CTSH: variants seen among roughly 807,000 people sequenced by gnomAD.
The protein encoded by CTSH is cathepsin H.
Under a neutral mutation model 56.3 loss-of-function variants are expected in CTSH, and 52 were observed. That is an observed-to-expected ratio of 0.92 (90% CI 0.74 to 1.16). CTSH has a LOEUF of 1.16. CTSH is among the 50% of genes most tolerant of loss of function. CTSH has a pLI of 0.00. For missense variants in CTSH, 406 were observed against 424.5 expected (o/e 0.96, Z 0.38); for synonymous variants, 174 against 155.7 (o/e 1.12, Z -0.88).
chr15:78,932,473 G>C lies in CTSH; in HGVS notation c.406-15C>G. The C allele has an allele frequency of 1.2e-6, 2 of 1,601,714 alleles. No individual in the cohort carries two copies. The highest frequency in any genetic ancestry group is 1.7e-6 in the Non-Finnish European group (2 of 1,169,130). The stretch of plus-strand genomic sequence containing the variant: ...CCGCAGGCACCCTGGAAAGGCCAGG[G>C]GAGAGCAGAGGACATCAGTGATGGG... On this transcript the variant is annotated splice_polypyrimidine_tract_variant and intron_variant, in intron 5 of 11. Coordinates refer to ENST00000220166, the MANE Select transcript of CTSH (RefSeq NM_004390.5).
chr15:78,932,208 G>T (rs936163769), intron 6 of CTSH, among the ~76,000 whole-genome samples, 164 bp downstream of exon 6: 14 of 152,154 alleles, frequency 9.2e-5, no homozygotes, highest in Admixed American at 6.5e-5. Context: ...CCCGGGAAAA[G>T]CATCAATTGA....
intron 9 of CTSH, 75 bp from the exon 10 acceptor site, chr15:78,925,515 T>C: frequency 3.9e-6 from 4 of 1,020,288 alleles, no homozygotes; most frequent in Non-Finnish European, 6.1e-6. Flanking sequence ...GCCTTTTGCC[T>C]CAAGCTAGGG....
In CTSH at chr15:78,932,435, A is replaced by G; in HGVS notation, c.429T>C (p.Thr143=). The G allele has an allele frequency of 6.2e-7, 1 of 1,614,070 alleles. No individual in the cohort carries two copies. Among genetic ancestry groups the G allele is most frequent in the South Asian group, 1.1e-5 (1 of 91,090 alleles). Residue 143 remains threonine (T), a synonymous_variant, in exon 6 of 12, where the codon ACT becomes ACC. Transcript: ENST00000220166. ...KNQGACGSCW[T]FSTTGALESA... ...ACTCCAGGGCCCCAGTGGTGGAGAA[A>G]GTCCAGCAACTGCCGCAGGCACCCT...
chr15:78,935,592 A>T (rs1286929645), intron 4 of CTSH, 88 bp downstream of exon 4: 1 of 1,144,678 alleles, frequency 8.7e-7, no homozygotes, highest in Non-Finnish European at 1.3e-6. Context: ...GATGGGACTG[A>T]ATCTGCCTAG....
intron 1 of CTSH, among the ~76,000 whole-genome samples, chr15:78,944,358 G>T (rs1300672467): frequency 6.6e-6 from 1 of 152,210 alleles, no homozygotes. Flanking sequence ...GGGCCCTGGG[G>T]TGCTGTTAAA....
chr15:78,935,538 T>TG (rs959637218), intron 4 of CTSH, 142 bp downstream of exon 4: 14 of 658,884 alleles, frequency 2.1e-5, no homozygotes, highest in Non-Finnish European at 3.3e-5. Flanking sequence ...CTGACTCTTC[T>TG]GGTTCCCCCA....
intron 3 of CTSH, 192 bp downstream of exon 3, chr15:78,937,126 C>T (rs2055192130): frequency 6.8e-6 from 4 of 584,280 alleles, no homozygotes; most frequent in Non-Finnish European, 1.2e-5. Context: ...CAGAGGGGTA[C>T]CGGCTTTGTC....
intron 3 of CTSH, 120 bp downstream of exon 3, chr15:78,937,197 CA>C (rs2141548373): frequency 2.6e-6 from 2 of 755,788 alleles, no homozygotes; most frequent in East Asian, 5.1e-5. Flanking sequence ...TGAGGTCAGC[CA>C]AACACAGCTT....
intron 3 of CTSH, among the ~76,000 whole-genome samples, chr15:78,936,343 G>A (rs949808822): frequency 2.0e-5 from 3 of 151,740 alleles, no homozygotes; most frequent in South Asian, 2.1e-4. Flanking sequence ...CACCATGCCC[G>A]GCTAAGTTTT....
chr15:78,925,543 G>C (rs1004964598), intron 9 of CTSH, 103 bp from the exon 10 acceptor site: 1 of 734,224 alleles, frequency 1.4e-6, no homozygotes, highest in Non-Finnish European at 2.4e-6. Flanking sequence ...GCCCAGAGCA[G>C]CATGGATGGC....
intron 10 of CTSH, 22 bp downstream of exon 10, chr15:78,925,312 G>A: frequency 6.6e-7 from 1 of 1,507,300 alleles, no homozygotes; most frequent in Non-Finnish European, 9.2e-7. Context: ...TGTCCCTCCT[G>A]GCTCCTGGGA....
chr15:78,941,754 C>G (rs1291535270), intron 1 of CTSH, among the ~76,000 whole-genome samples: 8 of 150,800 alleles, frequency 5.3e-5, no homozygotes, highest in Admixed American at 1.3e-4. Flanking sequence ...CGAGATCACG[C>G]CACTGCACTC....
At chr15:78,934,648 G>A (rs1271689752) in intron 5 of CTSH, among the ~76,000 whole-genome samples, 1 of 152,232 alleles carries the variant, frequency 6.6e-6, no homozygotes, top group African/African-American at 2.4e-5. Context: ...AGATGCATGG[G>A]GTTCTGGTGT....
chr15:78,940,537 CAA>C (rs10555725), intron 1 of CTSH, among the ~76,000 whole-genome samples: 41,569 of 137,910 alleles, frequency 0.3, 6,521 homozygotes, highest in East Asian at 0.69. Flanking sequence ...GACCTTGTCT[CAA>C]AAAAAAAAAA....
rs142308584 is a variant in CTSH at position 78,928,513 on chromosome 15, C to T, written c.631-732G>A. 1.0e-2 allele frequency among the ~76,000 whole-genome samples: 1,388 copies of T among 139,402 alleles called. 32 individuals carry two copies. The highest frequency in any genetic ancestry group is 0.037 in the African/African-American group (1,348 of 36,614). The allele number at this position is 139,402 out of a possible 152,430, so 91.5% of individuals were successfully genotyped here. A position where few individuals can be genotyped will look rare whatever the true frequency, so the allele number is the denominator to read the frequency against. On this transcript the variant is annotated intron_variant, in intron 8 of 11. Transcript: ENST00000220166. The stretch of plus-strand genomic sequence containing the variant: ...TCGGGAGGCGGAGGTTGCAGTGAGC[C>T]GAGATTGCGCCATTGCACTCCAGCC...
intron 8 of CTSH, 25 bp from the exon 9 acceptor site, chr15:78,927,806 A>G (rs1047467858): frequency 6.2e-6 from 10 of 1,606,686 alleles, no homozygotes; most frequent in Non-Finnish European, 8.5e-6. Context: ...AAGGGCATGA[A>G]ATACAGGTTA....
At chr15:78,940,775 A>G (rs2055271217) in intron 1 of CTSH, among the ~76,000 whole-genome samples, 1 of 152,130 alleles carries the variant, frequency 6.6e-6, no homozygotes, top group Admixed American at 6.5e-5. Context: ...CTTGGCCAAC[A>G]TGGCAAAACC....
intron 5 of CTSH, among the ~76,000 whole-genome samples, chr15:78,933,008 A>G (rs964121235): frequency 6.6e-6 from 1 of 152,028 alleles, no homozygotes; most frequent in African/African-American, 2.4e-5. Flanking sequence ...GCTGACCTCC[A>G]CTTAGGCTCA....
intron 10 of CTSH, among the ~76,000 whole-genome samples, chr15:78,924,194 T>TG (rs2054848481): frequency 2.5e-5 from 1 of 40,656 alleles, no homozygotes; most frequent in Non-Finnish European, 5.6e-5. Context: ...GTGGCTGGGG[T>TG]GGGGGCTGCA....
Sources: allele counts gnomAD v4.1 joint callset (sites outside exome capture counted in the v4.1 genomes callset), GRCh38; gene constraint gnomAD v4.1.1; transcripts MANE v1.5; gene names NCBI Gene and HGNC (gene_info 2026-07-23, HGNC 2026-07-21).